The following MECR variants were observed in gnomAD, a reference collection of about 807,000 sequenced individuals.
MECR encodes mitochondrial trans-2-enoyl-CoA reductase.
Under a neutral mutation model 49.1 loss-of-function variants are expected in MECR, and 37 were observed. The ratio of observed to expected loss-of-function variants is 0.75; its 90% confidence interval spans 0.58 to 0.99. The LOEUF (loss-of-function observed/expected upper bound fraction) is 0.99. Among genes scored for constraint, MECR ranks in the 50% least tolerant of loss-of-function variants. The probability of loss-of-function intolerance (pLI) is 0.00; values close to 1 mark genes in which losing one functional copy is unlikely to be tolerated. For synonymous variants in MECR, 198 were observed against 191.1 expected (o/e 1.04, Z -0.30); for missense variants, 470 against 479.6 (o/e 0.98, Z 0.19).
At chr1:29,176,490 A>T in the MECR span, among the ~76,000 whole-genome samples, 3 of 56,346 alleles carry the variant, frequency 5.3e-5, no homozygotes, top group East Asian at 2.4e-4. Flanking sequence ...TAAAAACTTT[A>T]AAAAAAAAAA....
At chr1:29,206,676 C>T in intron 4 of MECR, 86 bp downstream of exon 4, 1 of 1,507,824 alleles carries the variant, frequency 6.6e-7, no homozygotes, top group South Asian at 1.2e-5. Flanking sequence ...CTCCACCTTG[C>T]AAGTTCTCCT....
rs1395082890 is a variant in MECR at position 29,217,742 on chromosome 1, CAT to C, written c.177-1059_177-1058del. ...CCCAGGCTAGCTGACATGTCCTCCA[CAT>C]GTTTGATTTTATTCTTGGTCCTAAC... On this transcript the variant is annotated intron_variant, in intron 1 of 9. Coordinates refer to ENST00000263702, the MANE Select transcript of MECR (RefSeq NM_016011.5). Among the ~76,000 whole-genome samples, 10 of 152,302 alleles carry C rather than the reference CAT, an allele frequency of 6.6e-5. No homozygotes were observed. The East Asian group carries it at 1.2e-3, about 18-fold the overall frequency.
At chr1:29,217,478 G>C (rs183304414) in intron 1 of MECR, among the ~76,000 whole-genome samples, 2 of 152,168 alleles carry the variant, frequency 1.3e-5, no homozygotes, top group African/African-American at 4.8e-5. Context: ...GCCTCCTAAA[G>C]TGCTGGGATT....
the MECR span, among the ~76,000 whole-genome samples, chr1:29,178,444 C>T: frequency 1.3e-5 from 2 of 150,630 alleles, no homozygotes; most frequent in Non-Finnish European, 3.0e-5. Context: ...CCCAGGTTCA[C>T]GCCATTCTCC....
intron 1 of MECR, among the ~76,000 whole-genome samples, chr1:29,219,389 G>C (rs1680223461): frequency 6.6e-6 from 1 of 151,890 alleles, no homozygotes; most frequent in African/African-American, 2.4e-5. Flanking sequence ...TCTTCCTATA[G>C]CCCAGAATGT....
the MECR span, chr1:29,170,965 A>G: frequency 2.0e-5 from 3 of 152,056 alleles, no homozygotes; most frequent in African/African-American, 7.2e-5. Context: ...AGCCTGGGAG[A>G]CTTTCATCTC....
chr1:29,198,660 A>G (rs1674594795), intron 7 of MECR, among the ~76,000 whole-genome samples: 1 of 152,126 alleles, frequency 6.6e-6, no homozygotes, highest in African/African-American at 2.4e-5. Context: ...TCTGAAGCCC[A>G]GGCTGGAGTG....
At chr1:29,220,949 G>A (rs1447814582) in intron 1 of MECR, 6 of 983,884 alleles carry the variant, frequency 6.1e-6, no homozygotes, top group African/African-American at 3.5e-5. Flanking sequence ...GTCACTGAAA[G>A]GAAGACAGCA....
the MECR span, among the ~76,000 whole-genome samples, chr1:29,185,896 G>T: frequency 6.6e-6 from 1 of 152,110 alleles, no homozygotes; most frequent in Non-Finnish European, 1.5e-5. Flanking sequence ...AGATGGGGGG[G>T]ATCTCCTGAG....
the MECR span, among the ~76,000 whole-genome samples, chr1:29,186,728 C>T: frequency 7.9e-5 from 12 of 152,186 alleles, no homozygotes; most frequent in African/African-American, 2.2e-4. Flanking sequence ...ATCAAGGACT[C>T]GTGAGAAGAG....
chr1:29,217,105 G>C (rs1315435993), intron 1 of MECR, among the ~76,000 whole-genome samples: 1 of 137,324 alleles, frequency 7.3e-6, no homozygotes, highest in Non-Finnish European at 1.6e-5. Context: ...TCCAGCCTGG[G>C]TGACAAAGCA....
At position 29,201,802 on chromosome 1, in the gene MECR, A is replaced by G; in HGVS notation, c.756+141T>C. 3 of 744,654 alleles carry G rather than the reference A, an allele frequency of 4.0e-6. No individual in the cohort carries two copies. Among genetic ancestry groups the G allele is most frequent in the Non-Finnish European group, 7.1e-6 (3 of 425,410 alleles). The allele number at this position is 744,654 out of a possible 1,614,324, so 46.1% of individuals were successfully genotyped here. ...GCTGCCTGCCGCCTGGCTAGGGGGA[A>G]TGGGCTTTAACCAACCAAGAGGCAA... On this transcript the variant is annotated intron_variant, in intron 6 of 9. Coordinates refer to ENST00000263702, the MANE Select transcript of MECR (RefSeq NM_016011.5). The surrounding 1 kb of genome is among the most constrained non-coding windows in gnomAD (Gnocchi z 4.3).
the MECR span, among the ~76,000 whole-genome samples, chr1:29,175,304 T>C: frequency 3.3e-5 from 5 of 152,028 alleles, no homozygotes; most frequent in African/African-American, 1.2e-4. Context: ...TCCCAGCTAC[T>C]TGGGAGGCTG....
Position 29,216,569 on chromosome 1 carries a change from C to A in MECR, c.274+19G>T. ...GAACAAAAAAGCCAATTAACATAAG[C>A]CACAGAAACCAAGGTTACCTTGGAT... On this transcript the variant is annotated intron_variant, in intron 2 of 9. Transcript: ENST00000263702. 1 of 1,612,176 alleles carries A rather than the reference C, an allele frequency of 6.2e-7. No homozygotes were observed. The highest frequency in any genetic ancestry group is 1.1e-5 in the South Asian group (1 of 91,062).
chr1:29,181,856 G>A, the MECR span: 5 of 974,414 alleles, frequency 5.1e-6, no homozygotes, highest in Admixed American at 8.6e-5. Flanking sequence ...ACGGGCGGGC[G>A]GCGGGACGGA....
At chr1:29,171,789 A>G in the MECR span, 1 of 152,192 alleles carries the variant, frequency 6.6e-6, no homozygotes, top group African/African-American at 2.4e-5. Flanking sequence ...TCCTGTGCCT[A>G]TCTTTTAAGA....
At position 29,203,232 on chromosome 1, in the gene MECR, C is replaced by T. The variant is rs1675765445; in HGVS notation, c.552G>A (p.Gly184=). The change falls in exon 5 of 10, where the codon GGG becomes GGA. Residue 184 remains glycine, a splice_region_variant and synonymous_variant. Transcript: ENST00000263702. ...MLMDFEQLQP[G]DSVIQNASNS... ...TGGATGCATTCTGGATGACAGAATC[C>T]CCTGTGGAGCCAGGAAGAGAACCAA... is the stretch of plus-strand genomic sequence containing the variant. The T allele has an allele frequency of 6.4e-7, 1 of 1,573,122 alleles. No homozygotes were observed. Among genetic ancestry groups the T allele is most frequent in the Non-Finnish European group, 8.7e-7 (1 of 1,155,316 alleles).
intron 3 of MECR, among the ~76,000 whole-genome samples, chr1:29,207,716 G>A (rs1195914139): frequency 2.0e-5 from 3 of 151,992 alleles, no homozygotes; most frequent in Non-Finnish European, 4.4e-5. Context: ...CTCCAGCCTC[G>A]GTGACACAGC....
At chr1:29,170,136 T>G in the MECR span, 1 of 152,198 alleles carries the variant, frequency 6.6e-6, no homozygotes, top group Non-Finnish European at 1.5e-5. Context: ...TTCAATTTTC[T>G]GACACTTTTC....
Sources: gnomAD v4.1 joint callset for allele counts (sites outside exome capture counted in the v4.1 genomes callset) on GRCh38, gnomAD v4.1.1 for gene constraint, Gnocchi (gnomAD v3.1) non-coding constraint, MANE v1.5 for transcripts, NCBI Gene and HGNC (gene_info 2026-07-23, HGNC 2026-07-21) for gene names.